The following NFIL3 variants were observed in gnomAD, a reference collection of about 807,000 sequenced individuals.
NFIL3 encodes the protein nuclear factor interleukin-3-regulated protein.
A neutral mutation model predicts 10.0 loss-of-function variants in NFIL3; 5 were observed. The observed-to-expected ratio is 0.50, with a 90% CI of 0.26 to 1.06. The LOEUF (loss-of-function observed/expected upper bound fraction) is 1.06, where lower values mean the gene tolerates loss of function less well. NFIL3 is among the 50% of genes least tolerant of loss of function. NFIL3 has a pLI of 0.13. For synonymous variants in NFIL3, 202 were observed against 206.5 expected (o/e 0.98, Z 0.19); for missense variants, 436 against 547.6 (o/e 0.80, Z 2.03).
chr9:91,462,411 G>A, the NFIL3 span, among the ~76,000 whole-genome samples: 3 of 151,946 alleles, frequency 2.0e-5, no homozygotes, highest in East Asian at 5.8e-4. Flanking sequence ...ATCATAAATG[G>A]TGTTAGATTT....
At chr9:91,467,554 T>C in the NFIL3 span, among the ~76,000 whole-genome samples, 1 of 152,304 alleles carries the variant, frequency 6.6e-6, no homozygotes, top group Non-Finnish European at 1.5e-5. Flanking sequence ...ATTACTATTA[T>C]ACTTTGAGTT....
At chr9:91,428,758 A>G (rs1833894943), upstream of NFIL3, among the ~76,000 whole-genome samples, 1 of 152,262 alleles carries the variant, frequency 6.6e-6, no homozygotes, top group Non-Finnish European at 1.5e-5. Flanking sequence ...AAGAAGAGAA[A>G]ATGTTGCAAG....
At chr9:91,445,281 A>G in the NFIL3 span, among the ~76,000 whole-genome samples, 1 of 152,184 alleles carries the variant, frequency 6.6e-6, no homozygotes. Flanking sequence ...ACCACACAGT[A>G]GTGACTCTGG....
At chr9:91,449,211 T>C in the NFIL3 span, among the ~76,000 whole-genome samples, 3 of 152,192 alleles carry the variant, frequency 2.0e-5, no homozygotes, top group Admixed American at 2.0e-4. Context: ...TATTGTCTAA[T>C]TGCTCTGGCT....
the NFIL3 span, among the ~76,000 whole-genome samples, chr9:91,474,200 T>C: frequency 3.3e-5 from 5 of 152,186 alleles, no homozygotes; most frequent in African/African-American, 4.8e-5. Flanking sequence ...CCTATTAATA[T>C]GATCTTATGG....
At chr9:91,447,258 T>C in the NFIL3 span, among the ~76,000 whole-genome samples, 1 of 152,228 alleles carries the variant, frequency 6.6e-6, no homozygotes, top group Non-Finnish European at 1.5e-5. Context: ...GTCTCTGACT[T>C]TGAGCTATTA....
chr9:91,476,835 A>G, the NFIL3 span, among the ~76,000 whole-genome samples: 1,014 of 152,342 alleles, frequency 6.7e-3, 9 homozygotes, highest in African/African-American at 0.023. Context: ...AACACTAAAC[A>G]TTCCTATCAA....
chr9:91,453,761 T>G, the NFIL3 span, among the ~76,000 whole-genome samples: 3 of 152,064 alleles, frequency 2.0e-5, no homozygotes, highest in African/African-American at 7.3e-5. Context: ...TGAAAACTGA[T>G]AGAATTAAAA....
chr9:91,469,413 G>C, the NFIL3 span, among the ~76,000 whole-genome samples: 3 of 152,152 alleles, frequency 2.0e-5, no homozygotes, highest in Non-Finnish European at 2.9e-5. Context: ...TTGCTTATCA[G>C]CTTAAGGAGG....
At chr9:91,433,176 T>A in the NFIL3 span, among the ~76,000 whole-genome samples, 1 of 152,234 alleles carries the variant, frequency 6.6e-6, no homozygotes, top group African/African-American at 2.4e-5. Context: ...TTCAGTAATG[T>A]AGCTGGACAA....
At chr9:91,478,144 G>A in the NFIL3 span, among the ~76,000 whole-genome samples, 6,491 of 152,084 alleles carry the variant, frequency 0.043, 155 homozygotes, top group Middle Eastern at 0.11. Flanking sequence ...TGCTCTTCTC[G>A]AGGAGTATCT....
rs371734515 is a variant in NFIL3 at position 91,409,394 on chromosome 9, G to A, written c.1341C>T (p.Leu447=). The change falls in exon 2 of 2, where the codon CTC becomes CTT. Residue 447 remains leucine, a synonymous_variant. Coordinates refer to ENST00000297689, the MANE Select transcript of NFIL3 (RefSeq NM_005384.3). ...TTGGTTGTGTGGCTATAAGTCTCTT[G>A]AGTGAGACAACCTCTGCAGATAAGT... ...IANLSAEVVS[L]KRLIATQPIS... The A allele has an allele frequency of 2.7e-5, 43 of 1,607,830 alleles. No individual in the cohort carries two copies. Among genetic ancestry groups the A allele is most frequent in the Non-Finnish European group, 3.5e-5 (41 of 1,177,264 alleles).
the NFIL3 span, among the ~76,000 whole-genome samples, chr9:91,458,979 T>A: frequency 2.0e-3 from 312 of 152,328 alleles, no homozygotes; most frequent in African/African-American, 6.9e-3. Flanking sequence ...AGAAACAGGC[T>A]GGTGGGACAG....
upstream of NFIL3, among the ~76,000 whole-genome samples, chr9:91,427,516 G>C (rs143386373): frequency 3.8e-3 from 579 of 152,308 alleles, 4 homozygotes; most frequent in African/African-American, 0.013. Flanking sequence ...TGTGTGCCAG[G>C]ACCATTTTCT....
chr9:91,453,761 T>C, the NFIL3 span, among the ~76,000 whole-genome samples: 11 of 152,064 alleles, frequency 7.2e-5, 1 homozygote, highest in African/African-American at 2.7e-4. Context: ...TGAAAACTGA[T>C]AGAATTAAAA....
chr9:91,467,485 A>G, the NFIL3 span, among the ~76,000 whole-genome samples: 6 of 152,286 alleles, frequency 3.9e-5, no homozygotes, highest in African/African-American at 1.2e-4. Context: ...CAGCCTTGCT[A>G]TAATCACTTA....
upstream of NFIL3, among the ~76,000 whole-genome samples, chr9:91,427,760 C>T (rs1833886681): frequency 6.6e-6 from 1 of 152,050 alleles, no homozygotes; most frequent in Non-Finnish European, 1.5e-5. Flanking sequence ...CCAACCTCAG[C>T]CTTCCAAGTA....
the NFIL3 span, among the ~76,000 whole-genome samples, chr9:91,431,566 AT>A: frequency 2.0e-5 from 3 of 152,198 alleles, no homozygotes; most frequent in East Asian, 5.8e-4. Context: ...CTCCTGTGCT[AT>A]TACAAAGGGT....
At chr9:91,469,039 C>A in the NFIL3 span, among the ~76,000 whole-genome samples, 1 of 152,068 alleles carries the variant, frequency 6.6e-6, no homozygotes, top group Non-Finnish European at 1.5e-5. Context: ...TCCATATGAA[C>A]TTTAAAGTAG....
Sources: allele counts gnomAD v4.1 joint callset (sites outside exome capture counted in the v4.1 genomes callset), GRCh38; gene constraint gnomAD v4.1.1; transcripts MANE v1.5; gene names NCBI Gene and HGNC (gene_info 2026-07-23, HGNC 2026-07-21).